The following ADCY2 variants were observed in gnomAD, a reference collection of about 807,000 sequenced individuals.
ADCY2 encodes adenylate cyclase 2.
ADCY2 carries 31 observed loss-of-function variants against 125.2 expected under a neutral mutation model. The ratio of observed to expected loss-of-function variants is 0.25; its 90% CI spans 0.19 to 0.33. The LOEUF is 0.33. Ranked by LOEUF, ADCY2 falls within the 10% of genes least tolerant of loss-of-function variation. The probability of loss-of-function intolerance (pLI) is 1.00; values close to 1 mark genes in which losing one functional copy is unlikely to be tolerated. For synonymous variants in ADCY2, 512 were observed against 548.4 expected (o/e 0.93, Z 0.93); for missense variants, 904 against 1,418.2 (o/e 0.64, Z 5.82).
chr5:7,693,413 G>GTTTTT (rs70940751), intron 5 of ADCY2, among the ~76,000 whole-genome samples: 58 of 32,404 alleles, frequency 1.8e-3, no homozygotes, highest in East Asian at 2.4e-3. Flanking sequence ...GCTGTTTTTT[G>GTTTTT]TTTTTTTTTT....
chr5:7,529,627 C>T (rs1382801013), intron 3 of ADCY2, among the ~76,000 whole-genome samples: 1 of 152,200 alleles, frequency 6.6e-6, no homozygotes, highest in East Asian at 1.9e-4. Context: ...TCTGCTTCTC[C>T]TACTTCACAG....
At chr5:7,482,496 C>G (rs572413801) in intron 2 of ADCY2, among the ~76,000 whole-genome samples, 1 of 152,138 alleles carries the variant, frequency 6.6e-6, no homozygotes, top group South Asian at 2.1e-4. Context: ...GTGGAGCAAA[C>G]TCTTATGTAC....
chr5:7,596,279 CCCCCCCACCAGTTAGCTCTGG>C, intron 3 of ADCY2, among the ~76,000 whole-genome samples: 1 of 151,704 alleles, frequency 6.6e-6, no homozygotes, highest in South Asian at 2.1e-4. Context: ...AAAAACTCCC[CCCCCCCACCAGTTAGCTCTGG>C]GGTATCAGAA....
chr5:7,669,048 T>C (rs1472077945), intron 4 of ADCY2, among the ~76,000 whole-genome samples: 1 of 152,198 alleles, frequency 6.6e-6, no homozygotes, highest in Admixed American at 6.5e-5. Flanking sequence ...CTGGGCCTGA[T>C]GGTGGGAAGC....
chr5:7,404,736 T>G (rs1399287618), intron 1 of ADCY2, among the ~76,000 whole-genome samples: 1 of 152,242 alleles, frequency 6.6e-6, no homozygotes, highest in Non-Finnish European at 1.5e-5. Context: ...CCATCATTTA[T>G]TTTCCTCCTG....
chr5:7,757,924 G>A (rs1743069512), intron 16 of ADCY2, among the ~76,000 whole-genome samples: 1 of 152,156 alleles, frequency 6.6e-6, no homozygotes, highest in East Asian at 1.9e-4. Context: ...TGACTCCTTG[G>A]ATCAGTTCCC....
At chr5:7,501,901 C>T (rs965121793) in intron 2 of ADCY2, among the ~76,000 whole-genome samples, 5 of 152,046 alleles carry the variant, frequency 3.3e-5, no homozygotes, top group Admixed American at 6.5e-5. Context: ...TTTCAACACC[C>T]GGGCATCACA....
At chr5:7,564,048 A>G (rs1211028703) in intron 3 of ADCY2, among the ~76,000 whole-genome samples, 1 of 152,214 alleles carries the variant, frequency 6.6e-6, no homozygotes, top group African/African-American at 2.4e-5. Flanking sequence ...TTGCAAGTGA[A>G]TTTAATTAAA....
intron 15 of ADCY2, chr5:7,749,686 G>A (rs1208704400): frequency 6.6e-6 from 1 of 152,088 alleles, no homozygotes; most frequent in Non-Finnish European, 1.5e-5. Flanking sequence ...TGCTGGATAC[G>A]GCAAATGAAA....
intron 4 of ADCY2, among the ~76,000 whole-genome samples, chr5:7,666,085 G>T (rs528689922): frequency 6.6e-6 from 1 of 151,460 alleles, no homozygotes. Context: ...TGATCCGCCC[G>T]CCTTGGCCTC....
At chr5:7,524,405 A>C (rs1484038968) in intron 3 of ADCY2, among the ~76,000 whole-genome samples, 1 of 152,142 alleles carries the variant, frequency 6.6e-6, no homozygotes, top group Non-Finnish European at 1.5e-5. Flanking sequence ...ACCTGCAAAC[A>C]CTGGGAAGTC....
chr5:7,409,571 G>T (rs1027424910), intron 1 of ADCY2, among the ~76,000 whole-genome samples: 1 of 152,094 alleles, frequency 6.6e-6, no homozygotes, highest in Non-Finnish European at 1.5e-5. Flanking sequence ...GAAATCTTTG[G>T]AGGTTGCCTG....
At chr5:7,686,166 A>C (rs948686007) in intron 4 of ADCY2, among the ~76,000 whole-genome samples, 4 of 152,194 alleles carry the variant, frequency 2.6e-5, no homozygotes, top group Non-Finnish European at 1.5e-5. Context: ...GTATTTCTAT[A>C]TCTTAGCTTA....
At chr5:7,746,207 C>T (rs981170368) in intron 15 of ADCY2, 1 of 152,466 alleles carries the variant, frequency 6.6e-6, no homozygotes, top group African/African-American at 2.4e-5. Context: ...GTGCTTACCT[C>T]CTCCTCACAA....
intron 17 of ADCY2, among the ~76,000 whole-genome samples, chr5:7,771,635 G>A (rs1157208096): frequency 6.6e-6 from 1 of 152,126 alleles, no homozygotes; most frequent in African/African-American, 2.4e-5. Flanking sequence ...ATCACTGCAA[G>A]CTCCTATTCC....
chr5:7,699,127 T>G (rs1443501744), intron 7 of ADCY2, among the ~76,000 whole-genome samples: 1 of 107,520 alleles, frequency 9.3e-6, no homozygotes, highest in African/African-American at 3.5e-5. Flanking sequence ...AGACGGAGTC[T>G]CGCTCTGTCG....
chr5:7,757,785 A>G (rs1743063902), intron 16 of ADCY2, among the ~76,000 whole-genome samples, 199 bp downstream of exon 16: 1 of 152,198 alleles, frequency 6.6e-6, no homozygotes, highest in Non-Finnish European at 1.5e-5. Flanking sequence ...GTTCTGTGGA[A>G]TTTTGGAAAC....
At chr5:7,803,677 T>C (rs1744670975) in intron 21 of ADCY2, among the ~76,000 whole-genome samples, 1 of 152,052 alleles carries the variant, frequency 6.6e-6, no homozygotes. Context: ...GGTGGGAGGA[T>C]CGCTTGAGCC....
At chr5:7,560,354 G>A (rs9313196) in intron 3 of ADCY2, among the ~76,000 whole-genome samples, 4,326 of 152,218 alleles carry the variant, frequency 0.028, 214 homozygotes, top group African/African-American at 0.099. Context: ...ATGATAGCAA[G>A]TTTAAGGTGT....
Sources: allele counts gnomAD v4.1 joint callset (sites outside exome capture counted in the v4.1 genomes callset), GRCh38; gene constraint gnomAD v4.1.1; transcripts MANE v1.5; gene names NCBI Gene and HGNC (gene_info 2026-07-23, HGNC 2026-07-21).